SLC24A3: variants seen among roughly 807,000 people sequenced by gnomAD.
SLC24A3 encodes the protein sodium/potassium/calcium exchanger 3.
SLC24A3 carries 28 observed loss-of-function variants against 75.8 expected under a neutral mutation model. The ratio of observed to expected loss-of-function variants is 0.37; its 90% confidence interval spans 0.27 to 0.51. The LOEUF (loss-of-function observed/expected upper bound fraction) is 0.51, where lower values mean the gene tolerates loss of function less well. SLC24A3 is among the 20% of genes least tolerant of loss of function. The pLI is 0.94. For synonymous variants in SLC24A3, 372 were observed against 334.1 expected (o/e 1.11, Z -1.24); for missense variants, 663 against 847.8 (o/e 0.78, Z 2.71).
At chr20:19,318,427 AG>A (rs1271707438) in intron 2 of SLC24A3, among the ~76,000 whole-genome samples, 2 of 152,312 alleles carry the variant, frequency 1.3e-5, no homozygotes, top group African/African-American at 4.8e-5. Flanking sequence ...GACCAGAGCC[AG>A]GGGGAAACAC....
intron 6 of SLC24A3, among the ~76,000 whole-genome samples, chr20:19,620,737 T>C (rs1198494216): frequency 6.6e-6 from 1 of 152,166 alleles, no homozygotes; most frequent in Non-Finnish European, 1.5e-5. Flanking sequence ...GCTTCTGTCC[T>C]GGGAGAGAGA....
chr20:19,228,569 C>G (rs969759442), intron 1 of SLC24A3, among the ~76,000 whole-genome samples: 3 of 151,608 alleles, frequency 2.0e-5, no homozygotes, highest in African/African-American at 7.3e-5. Context: ...GGCGTGAACC[C>G]AGGAGGCGGA....
intron 2 of SLC24A3, among the ~76,000 whole-genome samples, chr20:19,335,436 T>G (rs2122298908): frequency 6.6e-6 from 1 of 152,368 alleles, no homozygotes; most frequent in South Asian, 2.1e-4. Flanking sequence ...GCTGTGGCCC[T>G]GCATCCTAGC....
intron 2 of SLC24A3, among the ~76,000 whole-genome samples, chr20:19,345,364 A>G (rs2328404): frequency 0.09 from 13,736 of 152,234 alleles, 1,583 homozygotes; most frequent in African/African-American, 0.27. Flanking sequence ...TGTAGTAAAA[A>G]TCTCAGTAAT....
chr20:19,706,096 GTC>G (rs927835033), intron 15 of SLC24A3, among the ~76,000 whole-genome samples: 7 of 152,056 alleles, frequency 4.6e-5, no homozygotes, highest in Non-Finnish European at 5.9e-5. Context: ...GAGGGTGTCT[GTC>G]TCTCTCTCTC....
intron 6 of SLC24A3, among the ~76,000 whole-genome samples, chr20:19,591,094 C>T (rs2031370212): frequency 6.6e-6 from 1 of 152,174 alleles, no homozygotes; most frequent in African/African-American, 2.4e-5. Context: ...CTCCCCCTGA[C>T]AGATGCTGTT....
In SLC24A3 at chr20:19,585,378, C is replaced by T. The variant is rs948976359; in HGVS notation, c.509-63C>T. 16 of 1,490,464 alleles carry T rather than the reference C, an allele frequency of 1.1e-5. No individual in the cohort carries two copies. In the East Asian group the frequency reaches 3.6e-4, roughly 34 times the overall value. The allele number at this position is 1,490,464 out of a possible 1,614,324, so 92.3% of individuals were successfully genotyped here. On this transcript the variant is annotated intron_variant, in intron 5 of 16. Transcript: ENST00000328041. The stretch of plus-strand genomic sequence containing the variant: ...AATCTAATGCTTATGAAAGGTTCCC[C>T]ATGCCCACCTTGGAATGCAACAGGG...
chr20:19,554,408 G>C (rs1362134704), intron 3 of SLC24A3, among the ~76,000 whole-genome samples: 1 of 152,132 alleles, frequency 6.6e-6, no homozygotes, highest in East Asian at 1.9e-4. Context: ...CTCCGGAAGT[G>C]CTTCTAACAG....
intron 13 of SLC24A3, 121 bp downstream of exon 13, chr20:19,693,546 A>T (rs1477457148): frequency 3.1e-6 from 4 of 1,278,718 alleles, no homozygotes; most frequent in Non-Finnish European, 4.2e-6. Context: ...AAGCTGCACA[A>T]CGAACCACTC....
intron 15 of SLC24A3, among the ~76,000 whole-genome samples, chr20:19,715,578 A>G (rs1162319803): frequency 6.6e-6 from 1 of 152,180 alleles, no homozygotes; most frequent in African/African-American, 2.4e-5. Flanking sequence ...GTGACAGGAC[A>G]TCATTAAGTC....
At chr20:19,469,629 G>A (rs993120626) in intron 2 of SLC24A3, among the ~76,000 whole-genome samples, 2 of 152,162 alleles carry the variant, frequency 1.3e-5, no homozygotes, top group African/African-American at 4.8e-5. Flanking sequence ...GTACATTCCT[G>A]TGTGACTTTG....
At chr20:19,298,589 G>A (rs1207166550) in intron 2 of SLC24A3, among the ~76,000 whole-genome samples, 7 of 151,430 alleles carry the variant, frequency 4.6e-5, no homozygotes, top group African/African-American at 1.2e-4. Flanking sequence ...GACCAGGAAG[G>A]AAAGATGAAG....
At chr20:19,641,813 A>G (rs2032078118) in intron 6 of SLC24A3, among the ~76,000 whole-genome samples, 1 of 152,202 alleles carries the variant, frequency 6.6e-6, no homozygotes, top group Non-Finnish European at 1.5e-5. Context: ...TGTACAGCCA[A>G]AGTTGAAAAC....
chr20:19,639,756 C>T (rs562030820), intron 6 of SLC24A3, among the ~76,000 whole-genome samples: 1 of 152,354 alleles, frequency 6.6e-6, no homozygotes, highest in South Asian at 2.1e-4. Context: ...TGGCGGGCTG[C>T]AGGTCCCAAG....
intron 3 of SLC24A3, among the ~76,000 whole-genome samples, chr20:19,579,781 G>T (rs755142673): frequency 5.9e-5 from 9 of 152,202 alleles, no homozygotes; most frequent in Non-Finnish European, 1.0e-4. Context: ...ATGTTTCATG[G>T]AAAGGGAAGT....
At chr20:19,228,729 A>G (rs1258168881) in intron 1 of SLC24A3, among the ~76,000 whole-genome samples, 43 of 152,122 alleles carry the variant, frequency 2.8e-4, no homozygotes. Flanking sequence ...AACAATATAT[A>G]TAGAAAAAAA....
chr20:19,325,785 TATATATATATAGAG>T (rs1269042700), intron 2 of SLC24A3, among the ~76,000 whole-genome samples: 9 of 95,152 alleles, frequency 9.5e-5, no homozygotes, highest in Non-Finnish European at 1.7e-4. Context: ...TACATATATA[TATATATATATAGAG>T]AGAGAGAGAG....
intron 2 of SLC24A3, among the ~76,000 whole-genome samples, chr20:19,488,972 G>A (rs146977725): frequency 1.1e-3 from 173 of 152,246 alleles, no homozygotes; most frequent in Middle Eastern, 6.8e-3. Flanking sequence ...TTCGGATTAG[G>A]GATGTTCAAC....
At chr20:19,555,061 G>C (rs1268430341) in intron 3 of SLC24A3, among the ~76,000 whole-genome samples, 1 of 152,162 alleles carries the variant, frequency 6.6e-6, no homozygotes, top group Non-Finnish European at 1.5e-5. Context: ...CTAATTCTTT[G>C]TGGTTTCGTA....
Sources: allele counts gnomAD v4.1 joint callset (sites outside exome capture counted in the v4.1 genomes callset), GRCh38; gene constraint gnomAD v4.1.1; transcripts MANE v1.5; gene names NCBI Gene and HGNC (gene_info 2026-07-23, HGNC 2026-07-21).